ZNF57: variants seen among roughly 807,000 people sequenced by gnomAD.
The protein encoded by ZNF57 is zinc finger protein 424.
Under a neutral mutation model 13.4 loss-of-function variants are expected in ZNF57, and 11 were observed. That is an observed-to-expected ratio of 0.82 (90% CI 0.52 to 1.36). ZNF57 has a LOEUF of 1.36. ZNF57 is among the 40% of genes most tolerant of loss of function. The probability of loss-of-function intolerance (pLI) is 0.00; values close to 1 mark genes in which losing one functional copy is unlikely to be tolerated. For missense variants in ZNF57, 696 were observed against 667.5 expected (o/e 1.04, Z -0.47); for synonymous variants, 224 against 238.5 (o/e 0.94, Z 0.56).
rs191737710 is a variant in ZNF57 at position 2,907,498 on chromosome 19, A to G, written c.3+6450A>G. ...ATAGGAATTATTTTTCCCCCATCCT[A>G]CACTTCAGTAGGATTTTCATTATCG... On this transcript the variant is annotated intron_variant, in intron 1 of 3. Transcript: ENST00000306908. 3.3e-5 allele frequency among the ~76,000 whole-genome samples: 5 copies of G among 152,216 alleles called. No homozygotes were observed. The East Asian group carries it at 7.7e-4, about 24-fold the overall frequency.
At chr19:2,914,654 C>T (rs538081887) in intron 1 of ZNF57, among the ~76,000 whole-genome samples, 1 of 152,108 alleles carries the variant, frequency 6.6e-6, no homozygotes, top group Non-Finnish European at 1.5e-5. Flanking sequence ...ATTGTCAATG[C>T]GAGGCTTATC....
At chr19:2,908,378 T>C (rs2088094552) in intron 1 of ZNF57, among the ~76,000 whole-genome samples, 1 of 152,078 alleles carries the variant, frequency 6.6e-6, no homozygotes, top group Admixed American at 6.6e-5. Context: ...ACATTCTTTA[T>C]GTTTTTTAAA....
In ZNF57 at chr19:2,918,011, C is replaced by G. The variant is rs753864860; in HGVS notation, c.1390C>G (p.Gln464Glu). 2 of 1,614,002 alleles carry G rather than the reference C, an allele frequency of 1.2e-6. No homozygotes were observed. The highest frequency in any genetic ancestry group is 3.3e-5 in the Admixed American group (2 of 59,968). The stretch of plus-strand genomic sequence containing the variant: ...GGCCTTTACCTCTTCCAGAGCATTC[C>G]AAGGTCATTTGAGGATGCACACTGG... ...GKAFTSSRAFQGHLRMHTGEK... is the reference protein window; with the variant it reads ...GKAFTSSRAFEGHLRMHTGEK... The change falls in exon 4 of 4, where the codon CAA (glutamine) becomes GAA (glutamate). Residue 464 changes from glutamine to glutamate, a missense_variant. Transcript: ENST00000306908.
chr19:2,911,401 C>T (rs867132644), intron 1 of ZNF57, among the ~76,000 whole-genome samples: 68 of 152,104 alleles, frequency 4.5e-4, no homozygotes, highest in Middle Eastern at 3.4e-3. Flanking sequence ...GGCATGATGG[C>T]GGGTGCCTGT....
chr19:2,909,319 C>T (rs186632711), intron 1 of ZNF57, among the ~76,000 whole-genome samples: 1,440 of 76,452 alleles, frequency 0.019, 46 homozygotes, highest in African/African-American at 0.065. Context: ...CTCGCTCTGT[C>T]GCCCAGGCTG....
At chr19:2,909,350 G>A (rs11670748) in intron 1 of ZNF57, among the ~76,000 whole-genome samples, 4 of 53,358 alleles carry the variant, frequency 7.5e-5, no homozygotes, top group East Asian at 3.9e-4. Context: ...GCGCGATCTC[G>A]GCTCACTGCA....
At chr19:2,914,702 G>A (rs929141425) in intron 1 of ZNF57, among the ~76,000 whole-genome samples, 2 of 152,276 alleles carry the variant, frequency 1.3e-5, no homozygotes, top group African/African-American at 2.4e-5. Flanking sequence ...CTCGATTCCA[G>A]TGAGATACAG....
intron 1 of ZNF57, among the ~76,000 whole-genome samples, chr19:2,906,551 C>G (rs756028359): frequency 6.6e-6 from 1 of 152,166 alleles, no homozygotes; most frequent in Non-Finnish European, 1.5e-5. Context: ...TACCCATATG[C>G]AAGAAGCAGC....
chr19:2,914,186 TAAAAAAG>T (rs1197607461), intron 1 of ZNF57, among the ~76,000 whole-genome samples: 1 of 152,074 alleles, frequency 6.6e-6, no homozygotes, highest in African/African-American at 2.4e-5. Flanking sequence ...TGTGCTCAAC[TAAAAAAG>T]AAAAAAGAAT....
intron 1 of ZNF57, among the ~76,000 whole-genome samples, chr19:2,913,846 GC>G (rs2088163399): frequency 6.6e-6 from 1 of 152,132 alleles, no homozygotes; most frequent in Non-Finnish European, 1.5e-5. Context: ...TCACTATGTT[GC>G]CCAGGCTGGT....
chr19:2,908,904 C>CTT lies in ZNF57; in HGVS notation c.4-6612_4-6611dup, dbSNP rs111863136. ...TCTTGACATTTCGTATGTTGTTTCT[C>CTT]TTTTTTTCCTTTTTATTCTTTTGTT... On this transcript the variant is annotated intron_variant, in intron 1 of 3. Coordinates refer to ENST00000306908, the MANE Select transcript of ZNF57 (RefSeq NM_173480.3). Among the ~76,000 whole-genome samples the CTT allele has an allele frequency of 4.0e-5, 6 of 150,910 alleles. No homozygotes were observed. The East Asian group carries it at 1.2e-3, about 29-fold the overall frequency.
chr19:2,903,622 C>G (rs1005810512), intron 1 of ZNF57, among the ~76,000 whole-genome samples: 1 of 152,226 alleles, frequency 6.6e-6, no homozygotes, highest in Non-Finnish European at 1.5e-5. Flanking sequence ...TGTTCTGCCC[C>G]CAGGGTAACC....
At chr19:2,908,376 T>C (rs1161668101) in intron 1 of ZNF57, among the ~76,000 whole-genome samples, 2 of 152,088 alleles carry the variant, frequency 1.3e-5, no homozygotes, top group Non-Finnish European at 2.9e-5. Context: ...TCACATTCTT[T>C]ATGTTTTTTA....
intron 1 of ZNF57, among the ~76,000 whole-genome samples, chr19:2,912,785 C>G (rs2088151284): frequency 6.6e-6 from 1 of 152,190 alleles, no homozygotes; most frequent in African/African-American, 2.4e-5. Context: ...TGTGAAGATT[C>G]CTGTTTCTCC....
Position 2,917,261 on chromosome 19 carries a change from C to A in ZNF57, c.640C>A (p.His214Asn). 1 of 1,614,148 alleles carries A rather than the reference C, an allele frequency of 6.2e-7. No homozygotes were observed. Among genetic ancestry groups the A allele is most frequent in the South Asian group, 1.1e-5 (1 of 91,084 alleles). ...CCAACATCCTCGTTACCTCTCCCAC[C>A]ACGTAAAGACTCACACAGCAGAGAA... ...TFQHPRYLSHHVKTHTAEKTY... is the reference protein window; with the variant it reads ...TFQHPRYLSHNVKTHTAEKTY... The change falls in exon 4 of 4, where the codon CAC becomes AAC. Residue 214 changes from histidine to asparagine, a missense_variant. Coordinates refer to ENST00000306908, the MANE Select transcript of ZNF57 (RefSeq NM_173480.3).
chr19:2,901,071 G>T (rs2088024626), intron 1 of ZNF57, 23 bp downstream of exon 1: 1 of 1,552,338 alleles, frequency 6.4e-7, no homozygotes, highest in East Asian at 2.4e-5. Context: ...CAGGAGCAGA[G>T]CCAGGGGACG....
rs184081774 is a variant in ZNF57, at chr19:2,918,417, A to G, written c.*128A>G. On this transcript the variant is annotated 3_prime_UTR_variant, in exon 4 of 4. Transcript: ENST00000306908. ...TTTGTCAATACCTCATTTGTAAAAC[A>G]GACCCATTAGTCGTGAATTTCCAGC... is the stretch of plus-strand genomic sequence containing the variant. 1.5e-5 allele frequency: 15 copies of G among 999,294 alleles called. No individual in the cohort carries two copies. In the East Asian group the frequency reaches 3.6e-4, roughly 24 times the overall value. The allele number at this position is 999,294 out of a possible 1,614,324, so 61.9% of individuals were successfully genotyped here.
At position 2,917,279 on chromosome 19, in the gene ZNF57, G is replaced by A. The variant is rs759458879; in HGVS notation, c.658G>A (p.Ala220Thr). The A allele has an allele frequency of 6.2e-7, 1 of 1,614,072 alleles. No individual in the cohort carries two copies. The highest frequency in any genetic ancestry group is 2.2e-5 in the East Asian group (1 of 44,886). Reference sequence around the variant, plus strand: ...CTCCCACCACGTAAAGACTCACACAGCAGAGAAAACCTACAAATGCGAGCA... The same window carrying A: ...CTCCCACCACGTAAAGACTCACACAACAGAGAAAACCTACAAATGCGAGCA... The part of the protein sequence containing the change: ...YLSHHVKTHT[A>T]EKTYKCEQCR... Residue 220 changes from alanine (A) to threonine (T), a missense_variant, in exon 4 of 4, where the codon GCA becomes ACA. Around this residue, in one of 3 missense-constraint regions of ZNF57, gnomAD observed 645 missense variants for 591.5 expected, o/e 1.09. Coordinates refer to ENST00000306908, the MANE Select transcript of ZNF57 (RefSeq NM_173480.3).
At chr19:2,906,095 C>T (rs2088073194) in intron 1 of ZNF57, among the ~76,000 whole-genome samples, 3 of 152,104 alleles carry the variant, frequency 2.0e-5, no homozygotes, top group South Asian at 4.1e-4. Context: ...CCTCTGTTGC[C>T]CAGGCTGGAG....
Sources: gnomAD v4.1 joint callset for allele counts (sites outside exome capture counted in the v4.1 genomes callset) on GRCh38, gnomAD v4.1.1 for gene constraint, gnomAD v4.1.1 regional missense constraint, MANE v1.5 for transcripts, NCBI Gene and HGNC (gene_info 2026-07-23, HGNC 2026-07-21) for gene names.